The following ANKRD36 variants were observed in gnomAD, a reference collection of about 807,000 sequenced individuals.
ANKRD36 encodes ankyrin repeat domain-containing protein 36A.
ANKRD36 carries 179 observed loss-of-function variants against 278.1 expected under a neutral mutation model. The ratio of observed to expected loss-of-function variants is 0.64; its 90% CI spans 0.57 to 0.73. The LOEUF is 0.73. ANKRD36 is among the 30% of genes least tolerant of loss of function. The probability of loss-of-function intolerance (pLI) is 0.00; values close to 1 mark genes in which losing one functional copy is unlikely to be tolerated. For missense variants in ANKRD36, 1,159 were observed against 1,956.7 expected (o/e 0.59, Z 7.69); for synonymous variants, 320 against 641.1 (o/e 0.50, Z 7.57).
chr2:97,158,534 C>A (rs375979275), intron 16 of ANKRD36, 54 bp from the exon 17 acceptor site: 4 of 1,523,072 alleles, frequency 2.6e-6, no homozygotes, highest in South Asian at 2.4e-5. Context: ...GTTCTTATTT[C>A]TTGATTCTTA....
In ANKRD36 at chr2:97,230,734, G is replaced by A. The variant is rs1371249804; in HGVS notation, c.3952-2996G>A. 2.6e-5 allele frequency among the ~76,000 whole-genome samples: 4 copies of A among 152,142 alleles called. No homozygotes were observed. The East Asian group carries it at 7.8e-4, about 30-fold the overall frequency. The stretch of plus-strand genomic sequence containing the variant: ...GGCGCTCTGCTTTTTAGAGTTTCCA[G>A]TTTTTCTGCTCTGTTTTTTCCCCAT... On this transcript the variant is annotated intron_variant, in intron 67 of 75. Coordinates refer to ENST00000420699, the MANE Select transcript of ANKRD36 (RefSeq NM_001354587.1).
In ANKRD36 at chr2:97,122,955, GA is replaced by G; in HGVS notation, c.561del (p.Ala188GlnfsTer3). On this transcript the variant is annotated frameshift_variant, in exon 4 of 76. Transcript: ENST00000420699. LOFTEE classifies it high-confidence loss of function. ...TGAAAATGGTGGAATTTTTATTAAA[GA>G]AAAAAGCAAATGTAAATGCCATTGA... ...KVKMVEFLLK[K>X]KANVNAIDYL... is the part of the protein sequence containing the mutation. The G allele has an allele frequency of 1.3e-6, 2 of 1,544,232 alleles. No individual in the cohort carries two copies. Among genetic ancestry groups the G allele is most frequent in the Non-Finnish European group, 1.8e-6 (2 of 1,142,496 alleles).
chr2:97,206,179 A>G (rs1173750692), intron 52 of ANKRD36, 44 bp downstream of exon 52: 2 of 1,487,266 alleles, frequency 1.3e-6, no homozygotes, highest in Non-Finnish European at 1.8e-6. Flanking sequence ...GTCGAGATAG[A>G]TAAGAAGTTC....
chr2:97,199,639 TA>T (rs2060749846), intron 44 of ANKRD36, among the ~76,000 whole-genome samples: 1 of 151,934 alleles, frequency 6.6e-6, no homozygotes, highest in Non-Finnish European at 1.5e-5. Flanking sequence ...TAATTGATGA[TA>T]TTTTTATTGA....
At position 97,209,837 on chromosome 2, in the gene ANKRD36, C is replaced by T. The variant is rs2063899660; in HGVS notation, c.3332C>T (p.Ala1111Val). 1 of 1,594,128 alleles carries T rather than the reference C, an allele frequency of 6.3e-7. No homozygotes were observed. Among genetic ancestry groups the T allele is most frequent in the African/African-American group, 1.4e-5 (1 of 73,888 alleles). The change falls in exon 56 of 76, where the codon GCC (alanine) becomes GTC (valine). Residue 1111 changes from alanine to valine, a missense_variant. Ala to Val is a moderately conservative substitution (Grantham distance 64). Transcript: ENST00000420699. ...SDEKDSVLYI[A>V]REKKDGEKSR... is the part of the protein sequence containing the mutation. ...GAGAAAGATTCTGTTTTGTATATAG[C>T]CAGAGAAAAAAAGGATGGAGAAAAA... is the stretch of plus-strand genomic sequence containing the variant.
chr2:97,162,968 A>G (rs1575140373), intron 18 of ANKRD36, among the ~76,000 whole-genome samples: 1 of 152,170 alleles, frequency 6.6e-6, no homozygotes, highest in East Asian at 1.9e-4. Context: ...AAATATTTTG[A>G]TAGGTAAAAG....
intron 44 of ANKRD36, among the ~76,000 whole-genome samples, chr2:97,199,620 C>A (rs1265668067): frequency 1.3e-5 from 2 of 151,892 alleles, no homozygotes; most frequent in Non-Finnish European, 2.9e-5. Flanking sequence ...AGAAGTATGT[C>A]AAAGTTGATA....
intron 3 of ANKRD36, among the ~76,000 whole-genome samples, chr2:97,120,682 G>A (rs2036554415): frequency 6.6e-6 from 1 of 151,264 alleles, no homozygotes; most frequent in Non-Finnish European, 1.5e-5. Flanking sequence ...GGCCTATTTT[G>A]GAAAAAAAAA....
At chr2:97,115,304 A>G (rs2034946584) in intron 1 of ANKRD36, among the ~76,000 whole-genome samples, 1 of 152,122 alleles carries the variant, frequency 6.6e-6, no homozygotes, top group African/African-American at 2.4e-5. Context: ...TAAATGCACA[A>G]AATAAGAAAG....
At chr2:97,219,558 G>C (rs1051068233) in intron 66 of ANKRD36, among the ~76,000 whole-genome samples, 2 of 149,346 alleles carry the variant, frequency 1.3e-5, no homozygotes, top group African/African-American at 2.5e-5. Context: ...TGTAACTCAC[G>C]ACAACCTCCA....
chr2:97,142,866 T>G, intron 8 of ANKRD36, 31 bp downstream of exon 8: 1 of 1,540,480 alleles, frequency 6.5e-7, no homozygotes, highest in East Asian at 2.4e-5. Context: ...AATGTCATGT[T>G]CACTCAGGAT....
chr2:97,171,783 C>A (rs1320275485), intron 22 of ANKRD36, among the ~76,000 whole-genome samples: 3 of 148,632 alleles, frequency 2.0e-5, no homozygotes, highest in Non-Finnish European at 4.5e-5. Context: ...AAGACTTAAA[C>A]GTTTAAGTGA....
chr2:97,127,682 C>G (rs1263759605), intron 6 of ANKRD36, among the ~76,000 whole-genome samples: 1 of 151,880 alleles, frequency 6.6e-6, no homozygotes, highest in Non-Finnish European at 1.5e-5. Context: ...GCTGTAGTTT[C>G]CTTGTAGTTC....
At chr2:97,154,352 A>G (rs1378582344) in intron 14 of ANKRD36, among the ~76,000 whole-genome samples, 1 of 148,946 alleles carries the variant, frequency 6.7e-6, no homozygotes, top group African/African-American at 2.4e-5. Context: ...TTTAGGGTAG[A>G]TAATTTATAA....
chr2:97,218,799 C>CT (rs1262155354), intron 64 of ANKRD36, among the ~76,000 whole-genome samples: 4 of 151,838 alleles, frequency 2.6e-5, no homozygotes, highest in Non-Finnish European at 5.9e-5. Context: ...GATATTAACA[C>CT]TTTTTTTTAG....
intron 48 of ANKRD36, among the ~76,000 whole-genome samples, 170 bp downstream of exon 48, chr2:97,202,563 A>G (rs1266065279): frequency 6.6e-6 from 1 of 151,786 alleles, no homozygotes; most frequent in Non-Finnish European, 1.5e-5. Context: ...CTGGTCTGGA[A>G]CATGATCTTC....
intron 46 of ANKRD36, among the ~76,000 whole-genome samples, chr2:97,200,944 G>C (rs2061210356): frequency 6.6e-6 from 1 of 151,890 alleles, no homozygotes; most frequent in Admixed American, 6.6e-5. Context: ...GAACTGAGAA[G>C]ACCCCTGATG....
intron 1 of ANKRD36, among the ~76,000 whole-genome samples, chr2:97,116,499 C>T (rs1318934718): frequency 2.6e-5 from 4 of 152,026 alleles, no homozygotes; most frequent in Non-Finnish European, 5.9e-5. Context: ...GTCTCAGACT[C>T]CTGACCTCAG....
intron 36 of ANKRD36, among the ~76,000 whole-genome samples, chr2:97,191,810 C>A (rs1160933153): frequency 6.6e-6 from 1 of 151,590 alleles, no homozygotes; most frequent in Non-Finnish European, 1.5e-5. Context: ...GCTAGAATTG[C>A]CATAAAAACA....
Sources: gnomAD v4.1 joint callset for allele counts (sites outside exome capture counted in the v4.1 genomes callset) on GRCh38, gnomAD v4.1.1 for gene constraint, MANE v1.5 for transcripts, NCBI Gene and HGNC (gene_info 2026-07-23, HGNC 2026-07-21) for gene names.